Variants in MACROD2 observed in about 807,000 individuals in gnomAD.
MACROD2 encodes the protein ADP-ribose glycohydrolase MACROD2.
A neutral mutation model predicts 70.4 loss-of-function variants in MACROD2; 36 were observed. The observed-to-expected ratio is 0.51, with a 90% confidence interval of 0.39 to 0.68. The LOEUF (loss-of-function observed/expected upper bound fraction) is 0.68, where lower values mean the gene tolerates loss of function less well. Among genes scored for constraint, MACROD2 ranks in the 30% least tolerant of loss-of-function variants. The probability of loss-of-function intolerance (pLI) is 0.00; values close to 1 mark genes in which losing one functional copy is unlikely to be tolerated. For synonymous variants in MACROD2, 172 were observed against 178.8 expected, an observed-to-expected ratio of 0.96 and a Z score of 0.30; for missense variants, 496 against 538.4, an observed-to-expected ratio of 0.92 and a Z score of 0.78.
intron 5 of MACROD2, among the ~76,000 whole-genome samples, chr20:14,814,815 G>T (rs2072754908): frequency 6.6e-6 from 1 of 151,856 alleles, no homozygotes; most frequent in Non-Finnish European, 1.5e-5. Flanking sequence ...TGAGTATGAT[G>T]ATAAAAGTTA....
intron 5 of MACROD2, among the ~76,000 whole-genome samples, chr20:14,862,935 A>G (rs1342664716): frequency 6.6e-6 from 1 of 151,136 alleles, no homozygotes; most frequent in Non-Finnish European, 1.5e-5. Context: ...TAGTAATACA[A>G]AAATGCTGAT....
rs200735566 is a variant in MACROD2 at position 14,968,515 on chromosome 20, T to TA, written c.419-261416dup. 5.1e-3 allele frequency among the ~76,000 whole-genome samples: 777 copies of TA among 151,446 alleles called. 5 individuals carry two copies. The highest frequency in any genetic ancestry group is 0.017 in the African/African-American group (721 of 41,280). On this transcript the variant is annotated intron_variant, in intron 5 of 17. Transcript: ENST00000684519. ...TGGGGTGGTGTCCAGGCATCAGTTG[T>TA]AAAAAAAAAGAAAAAAAATATTTTA...
intron 3 of MACROD2, among the ~76,000 whole-genome samples, chr20:14,231,123 T>A (rs562233694): frequency 6.6e-6 from 1 of 152,038 alleles, no homozygotes; most frequent in East Asian, 1.9e-4. Flanking sequence ...GCATTTAGCA[T>A]CATTCTTTTT....
intron 3 of MACROD2, among the ~76,000 whole-genome samples, chr20:14,276,385 C>T (rs1312565711): frequency 6.9e-6 from 1 of 145,314 alleles, no homozygotes; most frequent in Non-Finnish European, 1.5e-5. Flanking sequence ...GGACAAAAAA[C>T]CAAACACCGC....
intron 3 of MACROD2, among the ~76,000 whole-genome samples, chr20:14,220,376 C>G (rs1118572): frequency 0.99 from 151,345 of 152,252 alleles, 75,229 homozygotes; most frequent in East Asian, 1. Context: ...TCTCACTCCC[C>G]CAGTGCACCT....
intron 3 of MACROD2, among the ~76,000 whole-genome samples, chr20:14,109,252 G>A (rs2054414621): frequency 6.6e-6 from 1 of 151,376 alleles, no homozygotes; most frequent in Non-Finnish European, 1.5e-5. Context: ...AAAACCTATG[G>A]GGTATAAAGA....
intron 5 of MACROD2, among the ~76,000 whole-genome samples, chr20:14,989,099 T>TA (rs1167499658): frequency 5.3e-5 from 8 of 152,206 alleles, no homozygotes; most frequent in Admixed American, 5.2e-4. Context: ...TGGTTTTTTT[T>TA]AAAAAGTATG....
intron 15 of MACROD2, among the ~76,000 whole-genome samples, chr20:15,994,472 G>A (rs2066600950): frequency 6.6e-6 from 1 of 152,196 alleles, no homozygotes; most frequent in Admixed American, 6.5e-5. Flanking sequence ...AAAAGAAAAT[G>A]TTAGGCTAAA....
intron 8 of MACROD2, among the ~76,000 whole-genome samples, chr20:15,643,960 G>A (rs146421037): frequency 1.3e-5 from 2 of 152,070 alleles, no homozygotes; most frequent in Non-Finnish European, 2.9e-5. Flanking sequence ...ATGGAGGTGG[G>A]AATAAAAAAG....
intron 4 of MACROD2, among the ~76,000 whole-genome samples, chr20:14,673,027 C>G (rs922272250): frequency 2.6e-5 from 4 of 152,118 alleles, no homozygotes; most frequent in Non-Finnish European, 5.9e-5. Flanking sequence ...TCCTTATGCC[C>G]AAGATATTTC....
At chr20:15,932,922 A>T (rs1470233950) in intron 10 of MACROD2, among the ~76,000 whole-genome samples, 1 of 152,204 alleles carries the variant, frequency 6.6e-6, no homozygotes, top group Non-Finnish European at 1.5e-5. Flanking sequence ...AACCTTCCTT[A>T]CACAGTGCAT....
At chr20:15,134,416 C>T (rs2076130700) in intron 5 of MACROD2, among the ~76,000 whole-genome samples, 1 of 151,848 alleles carries the variant, frequency 6.6e-6, no homozygotes, top group African/African-American at 2.4e-5. Context: ...AAGAAACTCA[C>T]TCAAAGCCGC....
intron 5 of MACROD2, among the ~76,000 whole-genome samples, chr20:14,860,977 T>C (rs1223464814): frequency 6.6e-6 from 1 of 152,114 alleles, no homozygotes. Context: ...AAAAATTGCT[T>C]TGTTTATTTA....
intron 3 of MACROD2, among the ~76,000 whole-genome samples, chr20:14,336,572 G>T (rs1384824970): frequency 6.6e-6 from 1 of 152,102 alleles, no homozygotes; most frequent in Non-Finnish European, 1.5e-5. Context: ...TGGATCCTCT[G>T]CAAAACCCAC....
chr20:15,236,584 C>T (rs2077015537), intron 6 of MACROD2, among the ~76,000 whole-genome samples: 1 of 152,180 alleles, frequency 6.6e-6, no homozygotes, highest in Non-Finnish European at 1.5e-5. Context: ...TGATTTCTTC[C>T]ATCTTAGAGA....
chr20:15,619,297 C>G (rs1308436267), intron 8 of MACROD2, among the ~76,000 whole-genome samples: 4 of 152,216 alleles, frequency 2.6e-5, no homozygotes. Context: ...CAACTATAAA[C>G]TACGTTCTTC....
intron 3 of MACROD2, among the ~76,000 whole-genome samples, chr20:14,319,482 C>G (rs2082640303): frequency 6.6e-6 from 1 of 152,132 alleles, no homozygotes; most frequent in Non-Finnish European, 1.5e-5. Flanking sequence ...TTGTTCCTCC[C>G]CATGACCCAA....
At chr20:14,700,522 G>GGTGT (rs149689043) in intron 5 of MACROD2, among the ~76,000 whole-genome samples, 2,727 of 111,396 alleles carry the variant, frequency 0.024, 27 homozygotes, top group African/African-American at 0.039. Flanking sequence ...GACATATGGT[G>GGTGT]GTGTGTGTGT....
intron 7 of MACROD2, among the ~76,000 whole-genome samples, chr20:15,458,432 A>G (rs905887212): frequency 6.6e-6 from 1 of 152,116 alleles, no homozygotes; most frequent in African/African-American, 2.4e-5. Context: ...ATAATCCAAG[A>G]GTCACCATCA....
Sources: allele counts gnomAD v4.1 joint callset (sites outside exome capture counted in the v4.1 genomes callset), GRCh38; gene constraint gnomAD v4.1.1; transcripts MANE v1.5; gene names NCBI Gene and HGNC (gene_info 2026-07-23, HGNC 2026-07-21).